Variants in BACH2 observed in about 807,000 individuals in gnomAD.
BACH2 encodes BACH transcriptional regulator 2.
In BACH2, 5 loss-of-function variants were observed where a neutral mutation model predicts 61.8. The ratio of observed to expected loss-of-function variants is 0.08; its 90% CI spans 0.04 to 0.17. The LOEUF (loss-of-function observed/expected upper bound fraction) is 0.17. Ranked by LOEUF, BACH2 falls within the 10% of genes least tolerant of loss-of-function variation. The pLI is 1.00. For missense variants in BACH2, 824 were observed against 1,091.1 expected, an observed-to-expected ratio of 0.76 and a Z score of 3.45; for synonymous variants, 446 against 440.1, an observed-to-expected ratio of 1.01 and a Z score of -0.17.
intron 3 of BACH2, among the ~76,000 whole-genome samples, chr6:90,221,416 C>T (rs1769730104): frequency 6.6e-6 from 1 of 152,164 alleles, no homozygotes; most frequent in Admixed American, 6.5e-5. Flanking sequence ...TTAAGATGAT[C>T]AAGGTCTGAT....
chr6:90,264,242 GTTA>G (rs981207149), intron 2 of BACH2, among the ~76,000 whole-genome samples: 1 of 152,090 alleles, frequency 6.6e-6, no homozygotes, highest in Non-Finnish European at 1.5e-5. Flanking sequence ...CAGGATTGTG[GTTA>G]CGTAGGAAAA....
intron 4 of BACH2, among the ~76,000 whole-genome samples, chr6:90,176,582 G>C (rs1045576584): frequency 6.6e-6 from 1 of 152,148 alleles, no homozygotes; most frequent in Non-Finnish European, 1.5e-5. Flanking sequence ...CACACCGGAG[G>C]AGAGGGATGT....
At chr6:90,251,425 T>C (rs1770804901) in intron 3 of BACH2, among the ~76,000 whole-genome samples, 1 of 152,202 alleles carries the variant, frequency 6.6e-6, no homozygotes, top group Non-Finnish European at 1.5e-5. Context: ...TTTAGCCTTT[T>C]GTACTTTTCA....
intron 4 of BACH2, among the ~76,000 whole-genome samples, chr6:90,170,224 T>C (rs571445652): frequency 3.9e-4 from 60 of 152,322 alleles, no homozygotes; most frequent in Non-Finnish European, 8.2e-4. Flanking sequence ...TAAAATATCT[T>C]CTTTAAAAAA....
chr6:90,103,051 T>TTA (rs1554246299), intron 4 of BACH2, among the ~76,000 whole-genome samples: 3 of 130,650 alleles, frequency 2.3e-5, no homozygotes, highest in South Asian at 2.4e-4. Flanking sequence ...TTTTTTTTTT[T>TTA]ACCAGACTAT....
chr6:90,074,921 G>T (rs1781404166), intron 5 of BACH2, among the ~76,000 whole-genome samples: 1 of 152,142 alleles, frequency 6.6e-6, no homozygotes, highest in Non-Finnish European at 1.5e-5. Flanking sequence ...ACAGACATGG[G>T]TAGGTAAGCA....
chr6:90,266,450 T>A (rs1445747861), intron 2 of BACH2, among the ~76,000 whole-genome samples: 2 of 152,084 alleles, frequency 1.3e-5, no homozygotes, highest in East Asian at 3.9e-4. Context: ...TAACTTGGCA[T>A]CTAGGTGCAC....
chr6:89,991,435 A>G (rs937274027), intron 6 of BACH2, among the ~76,000 whole-genome samples: 4 of 152,152 alleles, frequency 2.6e-5, no homozygotes, highest in Admixed American at 6.6e-5. Context: ...TCTTCTCTCA[A>G]TGTATATCTA....
At chr6:90,005,491 G>C (rs2127779538) in intron 6 of BACH2, among the ~76,000 whole-genome samples, 1 of 152,296 alleles carries the variant, frequency 6.6e-6, no homozygotes, top group East Asian at 1.9e-4. Context: ...GTAGTATTTA[G>C]AATGTCTGCT....
At position 90,201,662 on chromosome 6, in the gene BACH2, T is replaced by C. The variant is rs537744095; in HGVS notation, c.-162+4907A>G. ...CTTTTGATTGAAAGAAGTTCTGAGGTGTTACATAGCTAAGTACATTCTCTT... is the reference window on the plus strand; with the variant it reads ...CTTTTGATTGAAAGAAGTTCTGAGGCGTTACATAGCTAAGTACATTCTCTT... On this transcript the variant is annotated intron_variant, in intron 4 of 8. Transcript: ENST00000257749. Among the ~76,000 whole-genome samples the C allele has an allele frequency of 4.7e-3, 713 of 152,352 alleles. 9 individuals carry two copies. The highest frequency in any genetic ancestry group is 0.016 in the African/African-American group (684 of 41,590).
chr6:90,008,800 C>T lies in BACH2; in HGVS notation c.45G>A (p.Glu15=). Residue 15 remains glutamate (E), a synonymous_variant, in exon 6 of 9, where the codon GAG becomes GAA. Transcript: ENST00000257749. This position sits in a 1 kb window ranked among gnomAD's most constrained non-coding sequence, Gnocchi z 4.1. The part of the protein sequence containing the change: ...EKPDSPMYVY[E]STVHCTNILL... ...GGATGTTGGTGCAGTGGACTGTGGA[C>T]TCATACACATACATGGGGGAGTCAG... 1 of 1,614,132 alleles carries T rather than the reference C, an allele frequency of 6.2e-7. No individual in the cohort carries two copies.
intron 1 of BACH2, among the ~76,000 whole-genome samples, chr6:90,275,262 G>C (rs1771654076): frequency 6.6e-6 from 1 of 152,178 alleles, no homozygotes; most frequent in African/African-American, 2.4e-5. Context: ...ATCATTTAAA[G>C]CAGTTAAATT....
Position 90,223,530 on chromosome 6 carries a change from G to A in BACH2, c.-274-16849C>T, listed in dbSNP as rs185752172. Among the ~76,000 whole-genome samples, 343 of 152,162 alleles carry A rather than the reference G, an allele frequency of 2.3e-3. 1 individual carries two copies. The highest frequency in any genetic ancestry group is 1.2e-3 in the East Asian group (6 of 5,162). Reference sequence around the variant, plus strand: ...GTTGCCCAGGCTGGAGTGCAGTGGCGTGATCTCAGCTCACTGCAGCCTCGA... The same window carrying A: ...GTTGCCCAGGCTGGAGTGCAGTGGCATGATCTCAGCTCACTGCAGCCTCGA... On this transcript the variant is annotated intron_variant, in intron 3 of 8. Coordinates refer to ENST00000257749, the MANE Select transcript of BACH2 (RefSeq NM_021813.4).
chr6:89,962,999 G>A (rs888183081), intron 6 of BACH2, among the ~76,000 whole-genome samples: 6 of 152,148 alleles, frequency 3.9e-5, no homozygotes. Flanking sequence ...GAACCCCTAT[G>A]TAAAGAACTC....
Position 89,935,196 on chromosome 6 carries a change from G to T in BACH2, c.2044-2306C>A, listed in dbSNP as rs533674305. ...GGTGGAAGCTGCTCCGCCCACCAGC[G>T]CCATCCCTGTCAGGACATAGCATCC... On this transcript the variant is annotated intron_variant, in intron 8 of 8. Transcript: ENST00000257749. Among the ~76,000 whole-genome samples the T allele has an allele frequency of 2.6e-3, 403 of 152,118 alleles. 2 individuals are homozygous for T. Among genetic ancestry groups the T allele is most frequent in the African/African-American group, 9.4e-3 (390 of 41,498 alleles).
intron 5 of BACH2, among the ~76,000 whole-genome samples, chr6:90,029,804 G>A (rs1778858739): frequency 6.6e-6 from 1 of 152,068 alleles, no homozygotes; most frequent in Non-Finnish European, 1.5e-5. Flanking sequence ...GGGCCTCAAG[G>A]TCGCCTTGCC....
At chr6:90,208,829 T>C (rs1023239423) in intron 3 of BACH2, among the ~76,000 whole-genome samples, 1 of 152,010 alleles carries the variant, frequency 6.6e-6, no homozygotes, top group African/African-American at 2.4e-5. Flanking sequence ...ATAGACTGGA[T>C]AAATAAAATG....
At chr6:90,024,424 G>T (rs1167283744) in intron 5 of BACH2, among the ~76,000 whole-genome samples, 1 of 152,182 alleles carries the variant, frequency 6.6e-6, no homozygotes, top group African/African-American at 2.4e-5. Context: ...TTGGGAGATG[G>T]TAAGAAATCT....
chr6:90,126,918 T>C (rs1783874515), intron 4 of BACH2, among the ~76,000 whole-genome samples: 1 of 152,260 alleles, frequency 6.6e-6, no homozygotes, highest in South Asian at 2.1e-4. Flanking sequence ...CACAAATTTC[T>C]GCTCCTCCTA....
Sources: allele counts gnomAD v4.1 joint callset (sites outside exome capture counted in the v4.1 genomes callset), GRCh38; gene constraint gnomAD v4.1.1; non-coding constraint Gnocchi (gnomAD v3.1); transcripts MANE v1.5; gene names NCBI Gene and HGNC (gene_info 2026-07-23, HGNC 2026-07-21).